PCDH9: variants seen among roughly 807,000 people sequenced by gnomAD.
PCDH9 encodes protocadherin 9, also known as protocadherin-9.
A neutral mutation model predicts 70.6 loss-of-function variants in PCDH9; 24 were observed. The observed-to-expected ratio is 0.34, with a 90% CI of 0.25 to 0.48. The LOEUF is 0.48. PCDH9 is among the 20% of genes least tolerant of loss of function. The probability of loss-of-function intolerance (pLI) is 0.99; values close to 1 mark genes in which losing one functional copy is unlikely to be tolerated. For missense variants in PCDH9, 1,281 were observed against 1,503.6 expected (o/e 0.85, Z 2.45); for synonymous variants, 562 against 558.5 (o/e 1.01, Z -0.09).
At chr13:66,501,337 G>A (rs998633588) in intron 4 of PCDH9, among the ~76,000 whole-genome samples, 7 of 152,058 alleles carry the variant, frequency 4.6e-5, no homozygotes, top group African/African-American at 1.4e-4. Flanking sequence ...AGCAGTCTTA[G>A]ACTCTACAGT....
intron 3 of PCDH9, among the ~76,000 whole-genome samples, chr13:66,677,518 A>T (rs1000612061): frequency 2.0e-4 from 31 of 152,094 alleles, no homozygotes; most frequent in African/African-American, 7.0e-4. Flanking sequence ...AGGTGTTTAG[A>T]TCATGGGAAA....
At chr13:66,414,353 G>T (rs760660435) in intron 4 of PCDH9, among the ~76,000 whole-genome samples, 1 of 152,220 alleles carries the variant, frequency 6.6e-6, no homozygotes, top group Non-Finnish European at 1.5e-5. Flanking sequence ...GAATAAAGTA[G>T]TGTCTGGTGA....
rs2089834295 is a variant in PCDH9, at chr13:67,225,504, G to T, written c.2937C>A (p.Thr979=). ...LDNTFVGGCD[T]LSKRSSTSSD... is the part of the protein sequence containing the mutation. ...AACTAGTGGAAGAGCGTTTAGAAAGGGTGTCACAACCCCCAACAAAGGTGT... is the reference window on the plus strand; with the variant it reads ...AACTAGTGGAAGAGCGTTTAGAAAGTGTGTCACAACCCCCAACAAAGGTGT... The change falls in exon 2 of 5, where the codon ACC becomes ACA. Residue 979 remains threonine, a synonymous_variant. Coordinates refer to ENST00000377865, the MANE Select transcript of PCDH9 (RefSeq NM_203487.3). 3.1e-6 allele frequency: 5 copies of T among 1,614,050 alleles called. No homozygotes were observed. In the East Asian group the frequency reaches 1.1e-4, roughly 36 times the overall value.
chr13:66,658,862 A>C (rs2077968108), intron 3 of PCDH9, among the ~76,000 whole-genome samples: 1 of 152,166 alleles, frequency 6.6e-6, no homozygotes, highest in Non-Finnish European at 1.5e-5. Context: ...TTTTCTGGTG[A>C]CTACATTAAG....
intron 2 of PCDH9, among the ~76,000 whole-genome samples, chr13:67,151,160 T>C (rs563310035): frequency 1.3e-5 from 2 of 152,212 alleles, no homozygotes; most frequent in South Asian, 4.2e-4. Flanking sequence ...TATTCAAAAC[T>C]CATCATTTGA....
chr13:66,508,394 G>T (rs1959286342), intron 4 of PCDH9, among the ~76,000 whole-genome samples: 1 of 152,136 alleles, frequency 6.6e-6, no homozygotes, highest in African/African-American at 2.4e-5. Context: ...ACCTTAAAAT[G>T]ATTGATTTTA....
intron 3 of PCDH9, among the ~76,000 whole-genome samples, chr13:66,795,099 T>G (rs1010266948): frequency 6.6e-6 from 1 of 152,114 alleles, no homozygotes; most frequent in African/African-American, 2.4e-5. Context: ...TAATTTCACT[T>G]ATTTTTCTTT....
At chr13:67,119,853 T>C (rs1160095271) in intron 2 of PCDH9, among the ~76,000 whole-genome samples, 1 of 152,178 alleles carries the variant, frequency 6.6e-6, no homozygotes, top group Admixed American at 6.6e-5. Flanking sequence ...AGAAAAATTC[T>C]GAGCCAGGTG....
intron 2 of PCDH9, among the ~76,000 whole-genome samples, chr13:67,127,113 A>T (rs2138316644): frequency 6.6e-6 from 1 of 152,308 alleles, no homozygotes; most frequent in South Asian, 2.1e-4. Context: ...TGCATTATAC[A>T]AAGATTTTCC....
chr13:66,508,548 G>A (rs1417875935), intron 4 of PCDH9, among the ~76,000 whole-genome samples: 2 of 152,044 alleles, frequency 1.3e-5, no homozygotes, highest in South Asian at 2.1e-4. Context: ...TTTGAAACAC[G>A]GGTGATGTCG....
intron 4 of PCDH9, among the ~76,000 whole-genome samples, chr13:66,339,259 T>C (rs1234416621): frequency 6.6e-6 from 1 of 152,096 alleles, no homozygotes; most frequent in East Asian, 1.9e-4. Flanking sequence ...TATTACTTTA[T>C]TTTTTAAACT....
intron 2 of PCDH9, among the ~76,000 whole-genome samples, chr13:66,947,800 T>C (rs542973402): frequency 3.3e-5 from 5 of 152,132 alleles, no homozygotes; most frequent in Non-Finnish European, 7.4e-5. Context: ...GGTGACATTG[T>C]ACATGATCAT....
chr13:66,704,427 C>T (rs1176704979), intron 3 of PCDH9, among the ~76,000 whole-genome samples: 1 of 152,124 alleles, frequency 6.6e-6, no homozygotes, highest in Admixed American at 6.5e-5. Context: ...TTTTGCCTTA[C>T]ATAGACAATT....
At chr13:67,172,280 C>T (rs2088309405) in intron 2 of PCDH9, among the ~76,000 whole-genome samples, 1 of 152,172 alleles carries the variant, frequency 6.6e-6, no homozygotes, top group Non-Finnish European at 1.5e-5. Flanking sequence ...TTAGCCAAGG[C>T]AGAGCCCTGG....
chr13:67,181,911 A>C (rs370908079), intron 2 of PCDH9, among the ~76,000 whole-genome samples: 1 of 152,158 alleles, frequency 6.6e-6, no homozygotes, highest in Non-Finnish European at 1.5e-5. Context: ...CCTTCTTTTC[A>C]GGAACATTTT....
At chr13:67,019,350 T>G (rs1020671852) in intron 2 of PCDH9, among the ~76,000 whole-genome samples, 1 of 151,604 alleles carries the variant, frequency 6.6e-6, no homozygotes, top group Admixed American at 6.6e-5. Context: ...CCCGCCACCA[T>G]GCCCGGCTGA....
intron 3 of PCDH9, chr13:66,782,933 A>G (rs920831587): frequency 4.6e-5 from 7 of 152,222 alleles, no homozygotes. Flanking sequence ...AAATTAATCT[A>G]AACAATTTCA....
chr13:66,442,442 C>CA (rs1957991728), intron 4 of PCDH9, among the ~76,000 whole-genome samples: 1 of 151,920 alleles, frequency 6.6e-6, no homozygotes, highest in Admixed American at 6.6e-5. Flanking sequence ...GAGAAATGTG[C>CA]AAAAATGATT....
At chr13:66,924,517 C>T (rs1462305793) in intron 2 of PCDH9, among the ~76,000 whole-genome samples, 2 of 151,568 alleles carry the variant, frequency 1.3e-5, no homozygotes, top group Non-Finnish European at 3.0e-5. Flanking sequence ...AAATTAGATT[C>T]TACCAGTACT....
Sources: gnomAD v4.1 joint callset for allele counts (sites outside exome capture counted in the v4.1 genomes callset) on GRCh38, gnomAD v4.1.1 for gene constraint, MANE v1.5 for transcripts, NCBI Gene and HGNC (gene_info 2026-07-23, HGNC 2026-07-21) for gene names.